The following SULF2 variants were observed in gnomAD, a reference collection of about 807,000 sequenced individuals.
SULF2 encodes sulfatase 2, also known as extracellular sulfatase Sulf-2.
A neutral mutation model predicts 107.7 loss-of-function variants in SULF2; 52 were observed. The ratio of observed to expected loss-of-function variants is 0.48; its 90% CI spans 0.39 to 0.61. The LOEUF (loss-of-function observed/expected upper bound fraction) is 0.61. SULF2 is among the 20% of genes least tolerant of loss of function. SULF2 has a pLI of 0.00. For missense variants in SULF2, 993 were observed against 1,177.3 expected, an observed-to-expected ratio of 0.84 and a Z score of 2.29; for synonymous variants, 460 against 464.3, an observed-to-expected ratio of 0.99 and a Z score of 0.12.
chr20:47,771,705 TGGGGCG>T (rs1163334669), intron 1 of SULF2, among the ~76,000 whole-genome samples: 5 of 138,358 alleles, frequency 3.6e-5, no homozygotes, highest in Admixed American at 1.4e-4. Flanking sequence ...AGTGGCAGGA[TGGGGCG>T]GGGGCGGGGG....
At chr20:47,742,130 G>T (rs2089899095) in intron 2 of SULF2, among the ~76,000 whole-genome samples, 1 of 152,192 alleles carries the variant, frequency 6.6e-6, no homozygotes, top group Non-Finnish European at 1.5e-5. Flanking sequence ...CCTCCCCTTG[G>T]GGACAGTAAC....
chr20:47,671,367 C>T (rs923877888), intron 11 of SULF2, among the ~76,000 whole-genome samples: 16 of 151,922 alleles, frequency 1.1e-4, no homozygotes, highest in Admixed American at 1.3e-4. Flanking sequence ...AGCACAATGG[C>T]GTGATCTCAG....
At chr20:47,748,092 G>A (rs1290171990) in intron 2 of SULF2, among the ~76,000 whole-genome samples, 1 of 152,148 alleles carries the variant, frequency 6.6e-6, no homozygotes, top group African/African-American at 2.4e-5. Context: ...GAACATTCTG[G>A]GGACCTTCCA....
rs1248804910 is a variant in SULF2 at position 47,657,659 on chromosome 20, T to G, written c.*703A>C. On this transcript the variant is annotated 3_prime_UTR_variant, in exon 21 of 21. Transcript: ENST00000688720. Reference sequence around the variant, plus strand: ...GGACAGGAACAGAAATGTCCACAACTGCGAGGGATTTTCTTTTACACTGGC... The same window carrying G: ...GGACAGGAACAGAAATGTCCACAACGGCGAGGGATTTTCTTTTACACTGGC... 6.6e-6 allele frequency: 1 copy of G among 152,162 alleles called. No individual in the cohort carries two copies. Among genetic ancestry groups the G allele is most frequent in the Admixed American group, 6.5e-5 (1 of 15,274 alleles). 9.4% of individuals were successfully genotyped at this position (152,162 alleles called of 1,614,324 possible).
chr20:47,734,238 T>C (rs2146773647), intron 3 of SULF2, among the ~76,000 whole-genome samples: 1 of 152,320 alleles, frequency 6.6e-6, no homozygotes, highest in African/African-American at 2.4e-5. Flanking sequence ...ATCCCCGGTC[T>C]CTCTCACACA....
At chr20:47,696,746 C>A (rs2088392572) in intron 4 of SULF2, among the ~76,000 whole-genome samples, 1 of 152,130 alleles carries the variant, frequency 6.6e-6, no homozygotes, top group African/African-American at 2.4e-5. Context: ...AGTGAGGTGA[C>A]ATTTGAATAA....
At chr20:47,684,692 C>T (rs1011295493) in intron 5 of SULF2, 111 bp from the exon 6 acceptor site, 3 of 1,122,538 alleles carry the variant, frequency 2.7e-6, no homozygotes, top group Non-Finnish European at 3.8e-6. Flanking sequence ...GTCTGCAGCC[C>T]AGGGCCAGGT....
intron 3 of SULF2, among the ~76,000 whole-genome samples, chr20:47,715,762 A>C (rs914823162): frequency 1.3e-5 from 2 of 151,924 alleles, no homozygotes; most frequent in African/African-American, 4.8e-5. Flanking sequence ...TTGTATTGTT[A>C]GTAGAGACAG....
intron 1 of SULF2, among the ~76,000 whole-genome samples, chr20:47,767,758 G>A (rs1315947567): frequency 2.0e-5 from 3 of 152,114 alleles, no homozygotes; most frequent in African/African-American, 7.2e-5. Context: ...CTGGGTGACA[G>A]AGCAAGACCG....
chr20:47,775,402 C>A (rs918026419), intron 1 of SULF2, among the ~76,000 whole-genome samples: 24 of 152,188 alleles, frequency 1.6e-4, no homozygotes, highest in African/African-American at 5.8e-4. Flanking sequence ...TTTAGACCTG[C>A]CAGCTGATAT....
At chr20:47,659,793 A>ACGGCCGGGCGCGGTGGCT in intron 18 of SULF2, 63 bp from the exon 19 acceptor site, 1 of 1,250,454 alleles carries the variant, frequency 8.0e-7, no homozygotes, top group Admixed American at 1.8e-5. Context: ...CAACCCCAAC[A>ACGGCCGGGCGCGGTGGCT]CACCAGAAAA....
intron 1 of SULF2, among the ~76,000 whole-genome samples, chr20:47,781,499 G>C (rs1464226822): frequency 6.6e-6 from 1 of 152,214 alleles, no homozygotes; most frequent in East Asian, 1.9e-4. Context: ...AGTCCAATCA[G>C]AGGGAACCAT....
At chr20:47,681,215 G>A (rs2087813278) in intron 7 of SULF2, among the ~76,000 whole-genome samples, 1 of 152,198 alleles carries the variant, frequency 6.6e-6, no homozygotes, top group Non-Finnish European at 1.5e-5. Context: ...AGCCATGCCT[G>A]AGGCTGGAGC....
In SULF2 at chr20:47,658,356, T is replaced by C; in HGVS notation, c.*6A>G. ...TATGTTTTTGGAGGTCCACCTCTGTTGTTTCTTAACCTTCCCAGCCTTCCC... is the reference window on the plus strand; with the variant it reads ...TATGTTTTTGGAGGTCCACCTCTGTCGTTTCTTAACCTTCCCAGCCTTCCC... On this transcript the variant is annotated 3_prime_UTR_variant, in exon 21 of 21. Transcript: ENST00000688720. 6.2e-7 allele frequency: 1 copy of C among 1,614,188 alleles called. No homozygotes were observed. Among genetic ancestry groups the C allele is most frequent in the South Asian group, 1.1e-5 (1 of 91,080 alleles).
chr20:47,767,285 C>T (rs1411449139), intron 1 of SULF2, among the ~76,000 whole-genome samples: 1 of 152,198 alleles, frequency 6.6e-6, no homozygotes, highest in Admixed American at 6.5e-5. Context: ...TAAATGCTGG[C>T]TTGTGTTCTC....
chr20:47,768,165 G>A (rs1443935684), intron 1 of SULF2, among the ~76,000 whole-genome samples: 3 of 152,194 alleles, frequency 2.0e-5, no homozygotes, highest in African/African-American at 7.2e-5. Flanking sequence ...GACCAGGGAA[G>A]ACAGCGACGC....
intron 8 of SULF2, 49 bp from the exon 9 acceptor site, chr20:47,677,183 C>T (rs371755932): frequency 3.5e-5 from 56 of 1,604,740 alleles, no homozygotes; most frequent in African/African-American, 5.4e-5. Flanking sequence ...GGGCTTCCCA[C>T]GACCCCCCGT....
chr20:47,696,714 C>T (rs1181784428), intron 4 of SULF2, among the ~76,000 whole-genome samples: 1 of 152,098 alleles, frequency 6.6e-6, no homozygotes, highest in African/African-American at 2.4e-5. Flanking sequence ...TGCCCTTATA[C>T]AAGGTGGTCC....
intron 3 of SULF2, among the ~76,000 whole-genome samples, chr20:47,702,937 AT>A (rs1318453140): frequency 6.6e-6 from 1 of 152,232 alleles, no homozygotes; most frequent in Non-Finnish European, 1.5e-5. Context: ...TATTTTTGAG[AT>A]GGAGTCTTGC....
Sources: gnomAD v4.1 joint callset for allele counts (sites outside exome capture counted in the v4.1 genomes callset) on GRCh38, gnomAD v4.1.1 for gene constraint, MANE v1.5 for transcripts, NCBI Gene and HGNC (gene_info 2026-07-23, HGNC 2026-07-21) for gene names.